The following GUCY2F variants were observed in gnomAD, a reference collection of about 807,000 sequenced individuals.
GUCY2F encodes the protein retinal guanylyl cyclase 2.
Under a neutral mutation model 73.1 loss-of-function variants are expected in GUCY2F, and 61 were observed. The ratio of observed to expected loss-of-function variants is 0.83; its 90% CI spans 0.68 to 1.03. The LOEUF (loss-of-function observed/expected upper bound fraction) is 1.03. GUCY2F is among the 50% of genes least tolerant of loss of function. GUCY2F has a pLI of 0.00. For synonymous variants in GUCY2F, 331 were observed against 307.8 expected (o/e 1.08, Z -0.79); for missense variants, 912 against 854.3 (o/e 1.07, Z -0.84).
intron 5 of GUCY2F, among the ~76,000 whole-genome samples, chrX:109,451,235 C>T (rs1932128158): frequency 8.9e-6 from 1 of 112,402 alleles, no homozygotes. Flanking sequence ...TCTTCAGCCA[C>T]TTATCCCTGA....
chrX:109,412,704 C>A (rs2147262317), intron 8 of GUCY2F, among the ~76,000 whole-genome samples: 1 of 112,437 alleles, frequency 8.9e-6, no homozygotes, highest in East Asian at 2.8e-4. Context: ...ATTTTCCAGT[C>A]TTTCTTGGAC....
At chrX:109,424,610 T>C (rs1003528428) in intron 8 of GUCY2F, among the ~76,000 whole-genome samples, 2 of 111,175 alleles carry the variant, frequency 1.8e-5, no homozygotes, top group African/African-American at 6.6e-5. Context: ...ATGATTATAA[T>C]CAGTGAGCCA....
At chrX:109,428,696 T>C (rs756066384) in intron 8 of GUCY2F, among the ~76,000 whole-genome samples, 2 of 111,916 alleles carry the variant, frequency 1.8e-5, no homozygotes, top group Non-Finnish European at 3.8e-5. Context: ...TTGATCATTA[T>C]ACTGTAGTGT....
Position 109,388,514 on chromosome X carries a change from G to A in GUCY2F, c.2931C>T (p.Val977=). ...FKMRHMPEVP[V]RIRIGLHSGP... is the part of the protein sequence containing the mutation. ...CTGAGTGAAGGCCAATTCGAATTCG[G>A]ACCGGCACTTCTGGCATGTGCCGCA... Residue 977 remains valine (V), a synonymous_variant, in exon 15 of 20, where the codon GTC becomes GTT. Coordinates refer to ENST00000218006, the MANE Select transcript of GUCY2F (RefSeq NM_001522.3). 1 of 1,206,265 alleles carries A rather than the reference G, an allele frequency of 8.3e-7. No homozygotes were observed.
chrX:109,435,676 T>C (rs764284153), intron 7 of GUCY2F, among the ~76,000 whole-genome samples: 1 of 109,956 alleles, frequency 9.1e-6, no homozygotes, highest in East Asian at 2.8e-4. Context: ...TGAATAGGAG[T>C]GGTGAGAGAG....
intron 5 of GUCY2F, among the ~76,000 whole-genome samples, chrX:109,450,534 G>A (rs959752565): frequency 1.8e-5 from 2 of 111,769 alleles, no homozygotes; most frequent in African/African-American, 6.5e-5. Flanking sequence ...TTTTTGATTG[G>A]ATAGAGTTTA....
At chrX:109,375,860 G>T in intron 19 of GUCY2F, 38 bp downstream of exon 19, 2 of 1,035,097 alleles carry the variant, frequency 1.9e-6, no homozygotes, top group South Asian at 1.9e-5. Context: ...TTGAAAATTT[G>T]GCAAGCTGCT....
intron 3 of GUCY2F, among the ~76,000 whole-genome samples, chrX:109,463,871 C>T (rs1231020793): frequency 8.9e-6 from 1 of 112,040 alleles, no homozygotes; most frequent in African/African-American, 3.2e-5. Flanking sequence ...CTCATGAGGG[C>T]AAGCTTAGCA....
rs186279946 is a variant in GUCY2F, at chrX:109,403,588, G to A, written c.2125+740C>T. On this transcript the variant is annotated intron_variant, in intron 10 of 19. Transcript: ENST00000218006. Reference sequence around the variant, plus strand: ...TACCTACAGCCATCACTTACCAATCGGAGCTTTCCTGCTCCCCAAAACTTT... The same window carrying A: ...TACCTACAGCCATCACTTACCAATCAGAGCTTTCCTGCTCCCCAAAACTTT... 1.8e-3 allele frequency among the ~76,000 whole-genome samples: 204 copies of A among 111,397 alleles called. 1 individual carries two copies. The highest frequency in any genetic ancestry group is 6.2e-3 in the African/African-American group (191 of 30,619).
At chrX:109,468,890 C>T (rs1428679151) in intron 2 of GUCY2F, among the ~76,000 whole-genome samples, 2 of 111,902 alleles carry the variant, frequency 1.8e-5, no homozygotes, top group African/African-American at 3.3e-5. Flanking sequence ...GTAGATACAT[C>T]TGTTCTACAA....
intron 2 of GUCY2F, among the ~76,000 whole-genome samples, chrX:109,474,940 C>T (rs930165386): frequency 8.9e-6 from 1 of 112,265 alleles, no homozygotes; most frequent in Non-Finnish European, 1.9e-5. Flanking sequence ...GTGCTCTTGA[C>T]ACCATTCTTC....
chrX:109,475,611 G>T lies in GUCY2F; in HGVS notation c.326C>A (p.Ala109Asp). The stretch of plus-strand genomic sequence containing the variant: ...GTGGTGGGAAATGAAACTGGAGAGA[G>T]CCCTCGAAGTCTGGCAGTCTTCATT... ...ILNEDCQTSR[A>D]LSSFISHHQM... Residue 109 changes from alanine to aspartate, a missense_variant, in exon 2 of 20, where the codon GCT becomes GAT. By Grantham distance (126) the Ala-to-Asp change is moderately radical. Coordinates refer to ENST00000218006, the MANE Select transcript of GUCY2F (RefSeq NM_001522.3). 1 of 1,209,991 alleles carries T rather than the reference G, an allele frequency of 8.3e-7. No homozygotes were observed. Among genetic ancestry groups the T allele is most frequent in the Non-Finnish European group, 1.1e-6 (1 of 893,958 alleles).
At chrX:109,384,099 C>G (rs748930518) in intron 16 of GUCY2F, among the ~76,000 whole-genome samples, 1 of 112,450 alleles carries the variant, frequency 8.9e-6, no homozygotes, top group East Asian at 2.8e-4. Flanking sequence ...ATACTGCCTC[C>G]TTAATCATGG....
intron 7 of GUCY2F, among the ~76,000 whole-genome samples, chrX:109,437,363 G>T (rs1321775708): frequency 8.9e-6 from 1 of 112,466 alleles, no homozygotes; most frequent in Non-Finnish European, 1.9e-5. Flanking sequence ...AGTCATTCTG[G>T]GAACTAACTT....
chrX:109,430,189 C>A, intron 8 of GUCY2F, 118 bp downstream of exon 8: 1 of 518,654 alleles, frequency 1.9e-6, no homozygotes, highest in East Asian at 3.4e-5. Context: ...CCATTAGCAA[C>A]CCTGCAGTTT....
intron 4 of GUCY2F, 146 bp downstream of exon 4, chrX:109,453,359 G>C (rs1180290244): frequency 2.2e-5 from 9 of 407,724 alleles, no homozygotes; most frequent in South Asian, 1.0e-4. Flanking sequence ...AAATTAACTA[G>C]ATAGAGTGCC....
chrX:109,463,272 AT>A (rs1932398415), intron 3 of GUCY2F, among the ~76,000 whole-genome samples: 2 of 110,620 alleles, frequency 1.8e-5, no homozygotes, highest in South Asian at 7.7e-4. Context: ...TTTTGTTCAC[AT>A]TTTTCCAGCA....
At chrX:109,436,996 A>G (rs1022679901) in intron 7 of GUCY2F, among the ~76,000 whole-genome samples, 1 of 108,474 alleles carries the variant, frequency 9.2e-6, no homozygotes, top group Non-Finnish European at 1.9e-5. Flanking sequence ...AATAACAGCA[A>G]AAAAAAAAAG....
intron 6 of GUCY2F, among the ~76,000 whole-genome samples, chrX:109,442,039 G>C (rs1415938234): frequency 9.0e-6 from 1 of 111,230 alleles, no homozygotes; most frequent in East Asian, 2.8e-4. Flanking sequence ...AATAATAGTA[G>C]AGAGTGAGCA....
Sources: allele counts gnomAD v4.1 joint callset (sites outside exome capture counted in the v4.1 genomes callset), GRCh38; gene constraint gnomAD v4.1.1; transcripts MANE v1.5; gene names NCBI Gene and HGNC (gene_info 2026-07-23, HGNC 2026-07-21).